Variants in BTD observed in about 807,000 individuals in gnomAD.
The protein encoded by BTD is biotinidase.
A neutral mutation model predicts 17.7 loss-of-function variants in BTD; 13 were observed. The ratio of observed to expected loss-of-function variants is 0.74; its 90% CI spans 0.48 to 1.17. The LOEUF is 1.17. Among genes scored for constraint, BTD ranks in the 50% most tolerant of loss-of-function variants. BTD has a pLI of 0.00. For missense variants in BTD, 674 were observed against 650.4 expected (o/e 1.04, Z -0.39); for synonymous variants, 240 against 245.2 (o/e 0.98, Z 0.20).
intron 3 of BTD, among the ~76,000 whole-genome samples, chr3:15,661,190 C>T (rs1168779956): frequency 2.1e-5 from 3 of 142,514 alleles, no homozygotes; most frequent in Non-Finnish European, 3.0e-5. Context: ...CACTTGAACC[C>T]GGGAGGTGGA....
chr3:15,685,365 C>T (rs569495254), intron 3 of BTD: 1 of 1,614,008 alleles, frequency 6.2e-7, no homozygotes, highest in African/African-American at 1.3e-5. Flanking sequence ...GTATAGGCGT[C>T]CGGCCCCTGC....
intron 1 of BTD, among the ~76,000 whole-genome samples, chr3:15,620,919 G>A (rs1162900531): frequency 6.6e-6 from 1 of 152,208 alleles, no homozygotes. Context: ...TCTGCAAGCT[G>A]GAGACCCTGG....
chr3:15,712,503 A>T lies in BTD; in HGVS notation c.*2429A>T, dbSNP rs534466215. On this transcript the variant is annotated 3_prime_UTR_variant, in exon 4 of 4. Transcript: ENST00000672141. ...GTGCATACAGGCTTACAGGCTGTTC[A>T]GCAGCATCCCTGGGCTCTACCCAAT... Among the ~76,000 whole-genome samples the T allele has an allele frequency of 3.3e-5, 5 of 152,308 alleles. No homozygotes were observed. The East Asian group carries it at 7.7e-4, about 23-fold the overall frequency.
intron 3 of BTD, chr3:15,686,176 C>G (rs368153983): frequency 1.1e-5 from 18 of 1,593,690 alleles, no homozygotes; most frequent in Non-Finnish European, 1.5e-5. Context: ...CTCTGGTTTT[C>G]GAAATACGCC....
intron 3 of BTD, among the ~76,000 whole-genome samples, chr3:15,681,577 T>A (rs1461312028): frequency 6.6e-6 from 1 of 152,256 alleles, no homozygotes; most frequent in Non-Finnish European, 1.5e-5. Context: ...TTTCATGGTT[T>A]AATATTTGCC....
At chr3:15,602,289 C>T (rs2064286508) in intron 1 of BTD, 2 of 1,175,000 alleles carry the variant, frequency 1.7e-6, no homozygotes, top group Non-Finnish European at 1.1e-6. Context: ...GGGTCACAAG[C>T]GATGAAAAGA....
downstream of BTD, among the ~76,000 whole-genome samples, chr3:15,657,952 G>C (rs969828120): frequency 6.6e-6 from 1 of 152,132 alleles, no homozygotes; most frequent in African/African-American, 2.4e-5. Context: ...CGGATCACTT[G>C]AGGTCAGGAG....
chr3:15,663,703 T>C (rs1006961551), intron 3 of BTD, among the ~76,000 whole-genome samples: 3 of 152,198 alleles, frequency 2.0e-5, no homozygotes, highest in Non-Finnish European at 4.4e-5. Flanking sequence ...TGTCCTTTTT[T>C]TTCCCCCTTT....
At chr3:15,628,984 T>G (rs1403064946) in intron 1 of BTD, among the ~76,000 whole-genome samples, 1 of 152,324 alleles carries the variant, frequency 6.6e-6, no homozygotes, top group Non-Finnish European at 1.5e-5. Flanking sequence ...CTGCCATAGC[T>G]AAGACAAGCA....
At chr3:15,625,835 G>A (rs569099463) in intron 1 of BTD, among the ~76,000 whole-genome samples, 86 of 152,312 alleles carry the variant, frequency 5.6e-4, no homozygotes, top group Non-Finnish European at 8.8e-4. Flanking sequence ...GATTACAGGC[G>A]TGAGCCACCA....
intron 1 of BTD, among the ~76,000 whole-genome samples, chr3:15,625,025 A>G (rs2065034498): frequency 1.3e-5 from 2 of 152,184 alleles, no homozygotes; most frequent in Admixed American, 1.3e-4. Context: ...CACCTGGCCT[A>G]ACTCTGGTTC....
At chr3:15,644,167 AT>A in intron 3 of BTD, 148 bp from the exon 4 acceptor site, 3 of 792,822 alleles carry the variant, frequency 3.8e-6, no homozygotes, top group Non-Finnish European at 5.9e-6. Flanking sequence ...CGCCCGGCTA[AT>A]TTTTTGTATT....
rs6773959 is a variant in BTD at position 15,635,155 on chromosome 3, G to C, written c.-16-269G>C. ...ACGCACTACAGTCTTGCTGAACACT[G>C]GGTAAGAAAATCATAGCAAACGTTG... On this transcript the variant is annotated intron_variant, in intron 1 of 3. Coordinates refer to ENST00000643237, the MANE Select transcript of BTD (RefSeq NM_001370658.1). This position sits in a 1 kb window ranked among gnomAD's most constrained non-coding sequence, Gnocchi z 4.1. Among the ~76,000 whole-genome samples, 6,098 of 152,290 alleles carry C rather than the reference G, an allele frequency of 0.04. 404 individuals are homozygous for C. Among genetic ancestry groups the C allele is most frequent in the African/African-American group, 0.14 (5,625 of 41,552 alleles).
At chr3:15,642,338 A>C (rs942152832) in intron 3 of BTD, 1 of 1,213,798 alleles carries the variant, frequency 8.2e-7, no homozygotes, top group African/African-American at 1.5e-5. Context: ...AGAAAAGTTC[A>C]TCTTCACCAC....
At chr3:15,644,113 G>A (rs2065620037) in intron 3 of BTD, among the ~76,000 whole-genome samples, 1 of 151,908 alleles carries the variant, frequency 6.6e-6, no homozygotes, top group Non-Finnish European at 1.5e-5. Context: ...CCATTCTCCT[G>A]CCTCAGCCTC....
At chr3:15,619,309 A>G (rs967624153) in intron 1 of BTD, among the ~76,000 whole-genome samples, 3 of 152,210 alleles carry the variant, frequency 2.0e-5, no homozygotes, top group East Asian at 1.9e-4. Flanking sequence ...GTCTATTGAT[A>G]TAATCATGTG....
intron 1 of BTD, among the ~76,000 whole-genome samples, chr3:15,613,852 TCTTA>T (rs963143079): frequency 3.9e-5 from 6 of 152,268 alleles, no homozygotes; most frequent in African/African-American, 1.4e-4. Flanking sequence ...GATTTTGTTT[TCTTA>T]CTTCTATTGT....
intron 3 of BTD, among the ~76,000 whole-genome samples, chr3:15,694,980 A>G (rs2069327109): frequency 2.0e-5 from 3 of 152,154 alleles, no homozygotes; most frequent in African/African-American, 7.2e-5. Context: ...AAGAGCTTTG[A>G]AGACAGGCAT....
At chr3:15,711,426 G>T (rs762357007) in exon 4 of BTD, among the ~76,000 whole-genome samples, 3 of 152,106 alleles carry the variant, frequency 2.0e-5, no homozygotes, top group Non-Finnish European at 4.4e-5. Flanking sequence ...AAGGCAATAG[G>T]ATACAATGGA....
Sources: gnomAD v4.1 joint callset for allele counts (sites outside exome capture counted in the v4.1 genomes callset) on GRCh38, gnomAD v4.1.1 for gene constraint, Gnocchi (gnomAD v3.1) non-coding constraint, MANE v1.5 for transcripts, NCBI Gene and HGNC (gene_info 2026-07-23, HGNC 2026-07-21) for gene names.